GABRG1: variants seen among roughly 807,000 people sequenced by gnomAD.
The protein encoded by GABRG1 is gamma-aminobutyric acid type A receptor subunit gamma1.
In GABRG1, 49 loss-of-function variants were observed where a neutral mutation model predicts 49.8. The ratio of observed to expected loss-of-function variants is 0.98; its 90% confidence interval spans 0.78 to 1.25. The LOEUF (loss-of-function observed/expected upper bound fraction) is 1.25, where lower values mean the gene tolerates loss of function less well. Among genes scored for constraint, GABRG1 ranks in the 50% most tolerant of loss-of-function variants. The probability of loss-of-function intolerance (pLI) is 0.00; values close to 1 mark genes in which losing one functional copy is unlikely to be tolerated. For synonymous variants in GABRG1, 232 were observed against 185.1 expected, an observed-to-expected ratio of 1.25 and a Z score of -2.06; for missense variants, 552 against 552.3, an observed-to-expected ratio of 1.00 and a Z score of 0.01.
chr4:46,041,170 A>G lies in GABRG1; in HGVS notation c.1216T>C (p.Cys406Arg), dbSNP rs773636309. ...VPQEDDYGYQ[C>R]LEGKDCASFF... is the part of the protein sequence containing the mutation. ...CTGGCACAATCTTTGCCCTCCAAAC[A>G]CTGATACCCATAATCATCTTCTTGC... The change falls in exon 9 of 9, where the codon TGT becomes CGT. Residue 406 changes from cysteine to arginine, a missense_variant. Coordinates refer to ENST00000295452, the MANE Select transcript of GABRG1 (RefSeq NM_173536.4). 46 of 1,612,952 alleles carry G rather than the reference A, an allele frequency of 2.9e-5. No individual in the cohort carries two copies. Among genetic ancestry groups the G allele is most frequent in the Non-Finnish European group, 3.8e-5 (45 of 1,179,354 alleles).
At chr4:46,059,715 T>C (rs187203815) in intron 5 of GABRG1, among the ~76,000 whole-genome samples, 1 of 152,210 alleles carries the variant, frequency 6.6e-6, no homozygotes, top group East Asian at 1.9e-4. Flanking sequence ...GCCTAGCCAC[T>C]AGCATATTCT....
intron 1 of GABRG1, among the ~76,000 whole-genome samples, chr4:46,104,177 A>G (rs1413665267): frequency 6.6e-6 from 1 of 151,524 alleles, no homozygotes; most frequent in East Asian, 2.0e-4. Flanking sequence ...CAAATGTATC[A>G]ATGATCATAC....
At chr4:46,081,182 T>C (rs1303617878) in intron 3 of GABRG1, among the ~76,000 whole-genome samples, 1 of 151,836 alleles carries the variant, frequency 6.6e-6, no homozygotes, top group Non-Finnish European at 1.5e-5. Flanking sequence ...CATTTCTTTG[T>C]TCTTCTCTCT....
intron 1 of GABRG1, among the ~76,000 whole-genome samples, chr4:46,103,525 C>T (rs1022753655): frequency 3.3e-5 from 5 of 151,166 alleles, no homozygotes; most frequent in Admixed American, 1.3e-4. Flanking sequence ...GTTATCATAG[C>T]CCTATTTTTT....
chr4:46,094,118 G>A (rs16859059), intron 2 of GABRG1, among the ~76,000 whole-genome samples: 1 of 151,782 alleles, frequency 6.6e-6, no homozygotes, highest in Non-Finnish European at 1.5e-5. Context: ...GTCTAAAGCA[G>A]TACATGAGAA....
chr4:46,056,133 A>AAAAT (rs1302985171), intron 7 of GABRG1, among the ~76,000 whole-genome samples: 1 of 127,458 alleles, frequency 7.8e-6, no homozygotes, highest in Non-Finnish European at 1.6e-5. Context: ...GGAAAAAAAA[A>AAAAT]AAAATAAATA....
At chr4:46,096,370 C>G (rs112042560) in intron 2 of GABRG1, among the ~76,000 whole-genome samples, 3,827 of 151,446 alleles carry the variant, frequency 0.025, 61 homozygotes, top group Middle Eastern at 0.051. Context: ...GATAAAAGTA[C>G]GAAGGTAAAA....
rs371168575 is a variant in GABRG1 at position 46,051,566 on chromosome 4, A to G, written c.989T>C (p.Val330Ala). The G allele has an allele frequency of 6.2e-7, 1 of 1,611,774 alleles. No homozygotes were observed. The highest frequency in any genetic ancestry group is 2.2e-5 in the East Asian group (1 of 44,768). ...AGAAACAAAGAGATCCATCGCAGTC[A>G]CATAAGAAACCTTAGGTAAAGACTT... is the stretch of plus-strand genomic sequence containing the variant. ...ARKSLPKVSYVTAMDLFVSVC... is the reference protein window; with the variant it reads ...ARKSLPKVSYATAMDLFVSVC... The change falls in exon 8 of 9, where the codon GTG becomes GCG. Residue 330 changes from valine (V) to alanine (A), a missense_variant. By Grantham distance (64) the Val-to-Ala change is moderately conservative. Transcript: ENST00000295452.
chr4:46,120,352 T>G (rs541589519), intron 1 of GABRG1, among the ~76,000 whole-genome samples: 2 of 151,894 alleles, frequency 1.3e-5, no homozygotes, highest in African/African-American at 4.8e-5. Flanking sequence ...TACATTCAAT[T>G]AATCTATTTA....
At chr4:46,094,185 T>TA (rs35843139) in intron 2 of GABRG1, among the ~76,000 whole-genome samples, 13 of 151,564 alleles carry the variant, frequency 8.6e-5, no homozygotes, top group East Asian at 1.9e-4. Context: ...AAAATGTATA[T>TA]AAAAAAAAGA....
In GABRG1 at chr4:46,071,732, A is replaced by C. The variant is rs572199521; in HGVS notation, c.322-6148T>G. 3.9e-5 allele frequency among the ~76,000 whole-genome samples: 6 copies of C among 152,102 alleles called. No homozygotes were observed. The South Asian group carries it at 1.2e-3, about 32-fold the overall frequency. ...TAACAAAATGTTGAAAAAGCTAAAA[A>C]AAAAATTGAAAAAAGCAAAAGCTTA... On this transcript the variant is annotated intron_variant, in intron 3 of 8. Transcript: ENST00000295452.
chr4:46,083,825 GT>G (rs1242433010), intron 3 of GABRG1, among the ~76,000 whole-genome samples, 160 bp downstream of exon 3: 1 of 151,630 alleles, frequency 6.6e-6, no homozygotes, highest in African/African-American at 2.4e-5. Flanking sequence ...TACAGGTATA[GT>G]TTAGCTCCAG....
At chr4:46,076,501 G>A (rs1459691827) in intron 3 of GABRG1, among the ~76,000 whole-genome samples, 4 of 150,336 alleles carry the variant, frequency 2.7e-5, no homozygotes, top group African/African-American at 9.8e-5. Context: ...AAATAAAGGT[G>A]TAAAAAATTA....
chr4:46,104,178 A>G (rs926125896), intron 1 of GABRG1, among the ~76,000 whole-genome samples: 2 of 151,514 alleles, frequency 1.3e-5, no homozygotes, highest in Non-Finnish European at 3.0e-5. Context: ...AAATGTATCA[A>G]TGATCATACC....
chr4:46,086,811 G>C (rs976938179), intron 2 of GABRG1, among the ~76,000 whole-genome samples: 1 of 151,488 alleles, frequency 6.6e-6, no homozygotes, highest in African/African-American at 2.4e-5. Context: ...ACTCTCTTCT[G>C]GTCCTTGCCC....
intron 1 of GABRG1, among the ~76,000 whole-genome samples, chr4:46,110,689 T>C (rs897484695): frequency 6.6e-6 from 1 of 151,046 alleles, no homozygotes; most frequent in Non-Finnish European, 1.5e-5. Flanking sequence ...GGATATAAGG[T>C]TGGTTCACCA....
rs750055163 is a variant in GABRG1 at position 46,037,815 on chromosome 4, C to G, written c.*3173G>C. Reference sequence around the variant, plus strand: ...TTGTGTATTTTTCACAAATTTTGACCTGGAATATAATTTCACATTTATAAC... The same window carrying G: ...TTGTGTATTTTTCACAAATTTTGACGTGGAATATAATTTCACATTTATAAC... On this transcript the variant is annotated 3_prime_UTR_variant, in exon 9 of 9. Transcript: ENST00000295452. 1 of 151,486 alleles carries G rather than the reference C, an allele frequency of 6.6e-6. No individual in the cohort carries two copies. The highest frequency in any genetic ancestry group is 1.5e-5 in the Non-Finnish European group (1 of 67,706). The allele number at this position is 151,486 out of a possible 1,614,324, so 9.4% of individuals were successfully genotyped here.
At chr4:46,065,165 T>C (rs555575390) in intron 4 of GABRG1, among the ~76,000 whole-genome samples, 199 bp downstream of exon 4, 1 of 152,314 alleles carries the variant, frequency 6.6e-6, no homozygotes, top group African/African-American at 2.4e-5. Context: ...TTTTTCTCTT[T>C]GCTTTTAGTC....
chr4:46,098,389 A>G (rs979699396), intron 1 of GABRG1, among the ~76,000 whole-genome samples: 1 of 151,754 alleles, frequency 6.6e-6, no homozygotes, highest in African/African-American at 2.4e-5. Flanking sequence ...AAAACTAAAC[A>G]CTAACATTGG....
Sources: gnomAD v4.1 joint callset for allele counts (sites outside exome capture counted in the v4.1 genomes callset) on GRCh38, gnomAD v4.1.1 for gene constraint, MANE v1.5 for transcripts, NCBI Gene and HGNC (gene_info 2026-07-23, HGNC 2026-07-21) for gene names.